LRRTM4: variants seen among roughly 807,000 people sequenced by gnomAD.
LRRTM4 encodes the protein leucine rich repeat transmembrane neuronal 4.
LRRTM4 carries 25 observed loss-of-function variants against 47.6 expected under a neutral mutation model. That is an observed-to-expected ratio of 0.53 (90% confidence interval 0.38 to 0.73). The LOEUF is 0.73. Ranked by LOEUF, LRRTM4 falls within the 30% of genes least tolerant of loss-of-function variation. The pLI, the probability that LRRTM4 is intolerant of heterozygous loss-of-function variation, is 0.00. For synonymous variants in LRRTM4, 311 were observed against 269.5 expected (o/e 1.15, Z -1.51); for missense variants, 638 against 713.4 (o/e 0.89, Z 1.20).
chr2:77,286,030 G>A (rs1336710121), intron 3 of LRRTM4, among the ~76,000 whole-genome samples: 1 of 152,058 alleles, frequency 6.6e-6, no homozygotes, highest in Non-Finnish European at 1.5e-5. Context: ...ATTTTAAGGT[G>A]TGCTAAACTG....
At chr2:77,013,065 A>G (rs145248022) in intron 3 of LRRTM4, among the ~76,000 whole-genome samples, 1 of 152,132 alleles carries the variant, frequency 6.6e-6, no homozygotes, top group East Asian at 1.9e-4. Context: ...TGAATGGATA[A>G]CCTTCTCTCC....
chr2:77,216,966 G>T (rs1352533571), intron 3 of LRRTM4, among the ~76,000 whole-genome samples: 2 of 151,622 alleles, frequency 1.3e-5, no homozygotes, highest in Non-Finnish European at 2.9e-5. Flanking sequence ...CCAGCTACTC[G>T]GGAGGCTGAG....
intron 3 of LRRTM4, among the ~76,000 whole-genome samples, chr2:77,470,888 G>T (rs1312489242): frequency 6.6e-6 from 1 of 152,032 alleles, no homozygotes; most frequent in Non-Finnish European, 1.5e-5. Context: ...AATAAAGTAA[G>T]TATAAAGACT....
At chr2:77,296,457 T>C (rs1228568765) in intron 3 of LRRTM4, among the ~76,000 whole-genome samples, 1 of 152,176 alleles carries the variant, frequency 6.6e-6, no homozygotes, top group Admixed American at 6.5e-5. Context: ...TTTTCTTGGG[T>C]TTTTGGTATG....
At chr2:76,808,265 G>T (rs1670618464) in intron 3 of LRRTM4, among the ~76,000 whole-genome samples, 1 of 151,964 alleles carries the variant, frequency 6.6e-6, no homozygotes, top group Non-Finnish European at 1.5e-5. Context: ...TGATCCGCCT[G>T]CCTTGACCTC....
At chr2:77,440,613 T>G (rs1434633831) in intron 3 of LRRTM4, among the ~76,000 whole-genome samples, 3 of 152,214 alleles carry the variant, frequency 2.0e-5, no homozygotes, top group Non-Finnish European at 4.4e-5. Flanking sequence ...TGACTTGAAG[T>G]TTGTAAATCA....
intron 3 of LRRTM4, among the ~76,000 whole-genome samples, chr2:77,162,186 C>T (rs1027601500): frequency 6.6e-6 from 1 of 152,198 alleles, no homozygotes; most frequent in Non-Finnish European, 1.5e-5. Flanking sequence ...CCATGCCTGG[C>T]TCAGAGGATC....
chr2:77,378,023 T>G (rs187206981), intron 3 of LRRTM4, among the ~76,000 whole-genome samples: 1 of 151,992 alleles, frequency 6.6e-6, no homozygotes. Flanking sequence ...CTAGAAAAAG[T>G]TCATTTTGCA....
chr2:77,168,019 C>T (rs901605206), intron 3 of LRRTM4, among the ~76,000 whole-genome samples: 28 of 151,908 alleles, frequency 1.8e-4, no homozygotes, highest in Admixed American at 3.9e-4. Flanking sequence ...CTGTTTTTTC[C>T]GCTCCGACTG....
chr2:76,941,367 A>C (rs529531843), intron 3 of LRRTM4, among the ~76,000 whole-genome samples: 1 of 152,270 alleles, frequency 6.6e-6, no homozygotes, highest in South Asian at 2.1e-4. Context: ...CAGAACATGC[A>C]GGTTTGTTAC....
chr2:77,212,595 A>G (rs1431057502), intron 3 of LRRTM4, among the ~76,000 whole-genome samples: 1 of 149,398 alleles, frequency 6.7e-6, no homozygotes, highest in Non-Finnish European at 1.5e-5. Context: ...GTCTTCATTT[A>G]GAGATAAACA....
At chr2:77,520,446 C>T (rs1268630866) in intron 2 of LRRTM4, among the ~76,000 whole-genome samples, 1 of 152,032 alleles carries the variant, frequency 6.6e-6, no homozygotes, top group Admixed American at 6.6e-5. Flanking sequence ...CTAGTATAGG[C>T]AGCCAATGAA....
At chr2:77,317,910 A>T (rs759993509) in intron 3 of LRRTM4, among the ~76,000 whole-genome samples, 38 of 152,062 alleles carry the variant, frequency 2.5e-4, no homozygotes, top group Non-Finnish European at 4.7e-4. Context: ...ACAAAGGCTC[A>T]CATGAAGGAT....
At chr2:77,070,539 C>G (rs923455035) in intron 3 of LRRTM4, among the ~76,000 whole-genome samples, 1 of 151,974 alleles carries the variant, frequency 6.6e-6, no homozygotes, top group African/African-American at 2.4e-5. Context: ...CTTTTATTTA[C>G]TCATTTTTCT....
intron 3 of LRRTM4, among the ~76,000 whole-genome samples, chr2:77,272,083 C>T (rs551897745): frequency 2.0e-5 from 3 of 152,208 alleles, no homozygotes; most frequent in East Asian, 1.9e-4. Context: ...CTTTTTGAAA[C>T]CTTACCCATC....
intron 3 of LRRTM4, among the ~76,000 whole-genome samples, chr2:76,969,037 A>G (rs1376775806): frequency 1.3e-5 from 2 of 151,842 alleles, no homozygotes; most frequent in African/African-American, 4.8e-5. Context: ...TCTACATACT[A>G]CATTCAAGGT....
intron 3 of LRRTM4, among the ~76,000 whole-genome samples, chr2:76,935,241 C>T (rs11126576): frequency 0.59 from 90,115 of 151,960 alleles, 29,030 homozygotes; most frequent in African/African-American, 0.85. Context: ...TATGCAAAAG[C>T]TTTGCTACTC....
intron 3 of LRRTM4, among the ~76,000 whole-genome samples, chr2:77,106,007 T>G (rs1389703929): frequency 2.6e-5 from 4 of 152,184 alleles, no homozygotes; most frequent in African/African-American, 9.6e-5. Context: ...CTTCTTCCTA[T>G]TCCTCATCTT....
chr2:77,519,379 A>G lies in LRRTM4; in HGVS notation c.490T>C (p.Leu164=), dbSNP rs1350618167. The G allele has an allele frequency of 1.2e-6, 2 of 1,613,312 alleles. No individual in the cohort carries two copies. The highest frequency in any genetic ancestry group is 1.3e-5 in the African/African-American group (1 of 74,896). Reference sequence around the variant, plus strand: ...ACAGTCTTTAGTGAGTTAGATCTCAAGTGCAAAATGATGAGTTTCCGAAGG... The same window carrying G: ...ACAGTCTTTAGTGAGTTAGATCTCAGGTGCAAAATGATGAGTTTCCGAAGG... ...KGLRKLIILH[L]RSNSLKTVPI... is the part of the protein sequence containing the mutation. The change falls in exon 3 of 4, where the codon TTG becomes CTG. Residue 164 remains leucine, a synonymous_variant. Transcript: ENST00000409884. The surrounding 1 kb of genome is among the most constrained non-coding windows in gnomAD (Gnocchi z 4.6).
Sources: gnomAD v4.1 joint callset for allele counts (sites outside exome capture counted in the v4.1 genomes callset) on GRCh38, gnomAD v4.1.1 for gene constraint, Gnocchi (gnomAD v3.1) non-coding constraint, MANE v1.5 for transcripts, NCBI Gene and HGNC (gene_info 2026-07-23, HGNC 2026-07-21) for gene names.